Variants in GABRA3 observed in about 807,000 individuals in gnomAD.
GABRA3 encodes the protein gamma-aminobutyric acid receptor subunit alpha-3.
In GABRA3, 10 loss-of-function variants were observed where a neutral mutation model predicts 30.1. The ratio of observed to expected loss-of-function variants is 0.33; its 90% CI spans 0.20 to 0.56. GABRA3 has a LOEUF of 0.56. Ranked by LOEUF, GABRA3 falls within the 20% of genes least tolerant of loss-of-function variation. The probability of loss-of-function intolerance (pLI) is 0.89; values close to 1 mark genes in which losing one functional copy is unlikely to be tolerated. For synonymous variants in GABRA3, 151 were observed against 146.8 expected (o/e 1.03, Z -0.21); for missense variants, 233 against 392.0 (o/e 0.59, Z 3.42).
At position 152,301,821 on chromosome X, in the gene GABRA3, C is replaced by T. The variant is rs150402901; in HGVS notation, c.263-17086G>A. Among the ~76,000 whole-genome samples the T allele has an allele frequency of 1.5e-3, 165 of 111,325 alleles. 1 individual carries two copies. Among genetic ancestry groups the T allele is most frequent in the African/African-American group, 5.3e-3 (161 of 30,637 alleles). On this transcript the variant is annotated intron_variant, in intron 3 of 9. Transcript: ENST00000370314. ...AGCTGGGATTACAAGTGTGAGCCAC[C>T]GTGCCCAGCCATCTTGTGTGGTTTT... is the stretch of plus-strand genomic sequence containing the variant.
At chrX:152,271,648 C>T (rs1258650686) in intron 4 of GABRA3, among the ~76,000 whole-genome samples, 1 of 112,248 alleles carries the variant, frequency 8.9e-6, no homozygotes, top group East Asian at 2.8e-4. Flanking sequence ...TGCTAATTGC[C>T]AAGACAATGG....
At chrX:152,446,256 C>T (rs759395581) in intron 1 of GABRA3, among the ~76,000 whole-genome samples, 5 of 111,889 alleles carry the variant, frequency 4.5e-5, no homozygotes, top group Non-Finnish European at 7.5e-5. Context: ...CTTTTTAAAG[C>T]GGTACATTTT....
At chrX:152,291,394 T>G (rs925136390) in intron 3 of GABRA3, among the ~76,000 whole-genome samples, 7 of 112,040 alleles carry the variant, frequency 6.2e-5, no homozygotes, top group Non-Finnish European at 9.4e-5. Context: ...TTGCTTATCA[T>G]CTTAAGGAGA....
chrX:152,393,686 A>T (rs773505150), intron 1 of GABRA3, among the ~76,000 whole-genome samples: 1 of 111,975 alleles, frequency 8.9e-6, no homozygotes, highest in African/African-American at 3.2e-5. Flanking sequence ...ATACTCAGGC[A>T]ATCATGGTGC....
At chrX:152,391,998 T>C (rs750698213) in intron 1 of GABRA3, among the ~76,000 whole-genome samples, 8 of 112,176 alleles carry the variant, frequency 7.1e-5, no homozygotes, top group Non-Finnish European at 1.5e-4. Context: ...GTATTATTAT[T>C]TATTTTACAG....
chrX:152,272,483 G>C (rs1232044420), intron 4 of GABRA3, among the ~76,000 whole-genome samples: 1 of 112,421 alleles, frequency 8.9e-6, no homozygotes, highest in East Asian at 2.8e-4. Context: ...TAACTAACTT[G>C]CTTTCAATTT....
intron 1 of GABRA3, chrX:152,394,345 C>A: frequency 2.7e-6 from 1 of 366,672 alleles, no homozygotes; most frequent in Non-Finnish European, 5.6e-6. Flanking sequence ...GACATGATAC[C>A]AGATTTTAAA....
chrX:152,275,592 C>T lies in GABRA3; in HGVS notation c.330+9076G>A, dbSNP rs200889190. 1.5e-4 allele frequency among the ~76,000 whole-genome samples: 16 copies of T among 106,021 alleles called. No homozygotes were observed. In the East Asian group the frequency reaches 2.6e-3, roughly 17 times the overall value. 92.1% of individuals were successfully genotyped at this position (106,021 alleles called of 115,157 possible). ...TGGCCAACATGGTGAAACCCTGTCT[C>T]TACTAAAAATACAAAAATTAGCCAG... On this transcript the variant is annotated intron_variant, in intron 4 of 9. Coordinates refer to ENST00000370314, the MANE Select transcript of GABRA3 (RefSeq NM_000808.4).
intron 2 of GABRA3, among the ~76,000 whole-genome samples, chrX:152,347,538 T>C (rs766717325): frequency 1.8e-5 from 2 of 111,757 alleles, no homozygotes; most frequent in South Asian, 7.5e-4. Flanking sequence ...ACATTCTCCA[T>C]GATGTGATTA....
At chrX:152,171,431 AT>A (rs750072083) in intron 9 of GABRA3, 1 of 586,986 alleles carries the variant, frequency 1.7e-6, no homozygotes, top group Admixed American at 9.0e-5. Context: ...TACCTAAATC[AT>A]TAAAGAAGGA....
chrX:152,307,807 G>A (rs1280339168), intron 3 of GABRA3, among the ~76,000 whole-genome samples: 2 of 111,696 alleles, frequency 1.8e-5, no homozygotes, highest in Admixed American at 9.5e-5. Flanking sequence ...GCCCACTCTC[G>A]CCATAGACCT....
chrX:152,419,568 A>T (rs1183680227), intron 1 of GABRA3, among the ~76,000 whole-genome samples: 1 of 111,254 alleles, frequency 9.0e-6, no homozygotes, highest in Non-Finnish European at 1.9e-5. Context: ...AGAAGGTAAT[A>T]AAAACATCCC....
chrX:152,417,949 G>A (rs1244003333), intron 1 of GABRA3, among the ~76,000 whole-genome samples: 1 of 102,462 alleles, frequency 9.8e-6, no homozygotes, highest in East Asian at 3.2e-4. Flanking sequence ...TGGGTGCAGT[G>A]CACCAGCATG....
In GABRA3 at chrX:152,331,164, T is replaced by C. The variant is rs58653784; in HGVS notation, c.262+14417A>G. Among the ~76,000 whole-genome samples, 809 of 91,450 alleles carry C rather than the reference T, an allele frequency of 8.8e-3. 10 individuals carry two copies. The highest frequency in any genetic ancestry group is 0.033 in the African/African-American group (775 of 23,195). 79.4% of individuals were successfully genotyped at this position (91,450 alleles called of 115,157 possible). A position where few individuals can be genotyped will look rare whatever the true frequency, so the allele number is the denominator to read the frequency against. On this transcript the variant is annotated intron_variant, in intron 3 of 9. Coordinates refer to ENST00000370314, the MANE Select transcript of GABRA3 (RefSeq NM_000808.4). Reference sequence around the variant, plus strand: ...CTCAAATTTCCAGAGGCTCATCACATAAAAACAGACTTTGGAAGGAAAAAA... The same window carrying C: ...CTCAAATTTCCAGAGGCTCATCACACAAAAACAGACTTTGGAAGGAAAAAA...
chrX:152,358,291 G>A (rs1231806181), intron 2 of GABRA3, among the ~76,000 whole-genome samples: 1 of 111,058 alleles, frequency 9.0e-6, no homozygotes, highest in African/African-American at 3.3e-5. Context: ...TGTATTCACA[G>A]GTATTTTACT....
chrX:152,170,512 C>T (rs1221750918), intron 9 of GABRA3, among the ~76,000 whole-genome samples: 12 of 111,656 alleles, frequency 1.1e-4, no homozygotes. Context: ...GATGATGTCT[C>T]ACTATGTTGC....
At chrX:152,214,173 G>A (rs768218644) in intron 6 of GABRA3, among the ~76,000 whole-genome samples, 2 of 111,225 alleles carry the variant, frequency 1.8e-5, no homozygotes, top group Non-Finnish European at 3.8e-5. Flanking sequence ...GAGAATATGC[G>A]GTATTCGAGT....
chrX:152,406,746 C>G (rs1220896571), intron 1 of GABRA3, among the ~76,000 whole-genome samples: 1 of 110,272 alleles, frequency 9.1e-6, no homozygotes, highest in Non-Finnish European at 1.9e-5. Flanking sequence ...GCACAATAGA[C>G]CAACTGGACA....
chrX:152,352,718 T>G (rs1009386), intron 2 of GABRA3, among the ~76,000 whole-genome samples: 24,912 of 110,944 alleles, frequency 0.22, 2,674 homozygotes, highest in African/African-American at 0.43. Flanking sequence ...TTACTGAGCA[T>G]ATTATGTCTC....
Sources: allele counts gnomAD v4.1 joint callset (sites outside exome capture counted in the v4.1 genomes callset), GRCh38; gene constraint gnomAD v4.1.1; transcripts MANE v1.5; gene names NCBI Gene and HGNC (gene_info 2026-07-23, HGNC 2026-07-21).